Variants in COL26A1 observed in about 807,000 individuals in gnomAD.
COL26A1 encodes the protein collagen alpha-1(XXVI) chain.
COL26A1 carries 41 observed loss-of-function variants against 59.3 expected under a neutral mutation model. That is an observed-to-expected ratio of 0.69 (90% CI 0.54 to 0.90). The LOEUF is 0.90. Among genes scored for constraint, COL26A1 ranks in the 40% least tolerant of loss-of-function variants. The pLI, the probability that COL26A1 is intolerant of heterozygous loss-of-function variation, is 0.00. For synonymous variants in COL26A1, 266 were observed against 256.0 expected (o/e 1.04, Z -0.37); for missense variants, 612 against 602.3 (o/e 1.02, Z -0.17).
At chr7:101,548,974 G>A (rs1795802893) in intron 8 of COL26A1, among the ~76,000 whole-genome samples, 197 bp from the exon 9 acceptor site, 1 of 152,212 alleles carries the variant, frequency 6.6e-6, no homozygotes, top group Admixed American at 6.5e-5. Context: ...GGAGCTGTGG[G>A]CAGCCGGTGG....
At chr7:101,542,555 A>T (rs968753929) in intron 5 of COL26A1, among the ~76,000 whole-genome samples, 1 of 152,068 alleles carries the variant, frequency 6.6e-6, no homozygotes, top group African/African-American at 2.4e-5. Flanking sequence ...CTGCCCTTAG[A>T]GCCCTTTGGA....
chr7:101,489,866 CTT>C (rs1563008360), intron 3 of COL26A1, among the ~76,000 whole-genome samples: 24 of 52,460 alleles, frequency 4.6e-4, no homozygotes, highest in South Asian at 2.2e-3. Context: ...TTCTTTCTTT[CTT>C]TCTTTCTTTC....
intron 3 of COL26A1, among the ~76,000 whole-genome samples, chr7:101,481,827 G>A (rs1794163304): frequency 6.6e-6 from 1 of 151,990 alleles, no homozygotes; most frequent in Non-Finnish European, 1.5e-5. Context: ...ACACCATCCT[G>A]TTAAAGAGGT....
chr7:101,362,849 A>C, upstream of COL26A1: 1 of 587,446 alleles, frequency 1.7e-6, no homozygotes, highest in Non-Finnish European at 2.9e-6. Flanking sequence ...CCGAATTTGA[A>C]AAGGCGGCCC....
At chr7:101,550,206 A>G (rs1488839059) in intron 9 of COL26A1, among the ~76,000 whole-genome samples, 1 of 152,214 alleles carries the variant, frequency 6.6e-6, no homozygotes, top group East Asian at 1.9e-4. Flanking sequence ...GACGCCTGTA[A>G]TCCCAGCACT....
At chr7:101,387,647 T>C (rs1472591887) in intron 1 of COL26A1, among the ~76,000 whole-genome samples, 2 of 135,320 alleles carry the variant, frequency 1.5e-5, no homozygotes, top group East Asian at 2.1e-4. Context: ...CTCTCTCTCT[T>C]TATATATATA....
intron 3 of COL26A1, among the ~76,000 whole-genome samples, chr7:101,489,854 CTTTCTTTCTTTCTTTCTT>C (rs1794405837): frequency 3.0e-5 from 1 of 33,870 alleles, no homozygotes; most frequent in Non-Finnish European, 5.2e-5. Flanking sequence ...TTCTTTCTTT[CTTTCTTTCTTTCTTTCTT>C]TCTTTCTTTC....
intron 1 of COL26A1, among the ~76,000 whole-genome samples, chr7:101,402,297 T>C (rs1043898029): frequency 6.6e-6 from 1 of 152,114 alleles, no homozygotes; most frequent in Admixed American, 6.6e-5. Context: ...ATCAGGGATT[T>C]TCCCCCCCAA....
intron 1 of COL26A1, among the ~76,000 whole-genome samples, chr7:101,417,977 G>T (rs540426611): frequency 9.2e-5 from 14 of 152,044 alleles, no homozygotes; most frequent in African/African-American, 3.1e-4. Context: ...CGCCCACTTT[G>T]ACCTCCCAAA....
At chr7:101,539,836 C>T in intron 4 of COL26A1, 57 bp from the exon 5 acceptor site, 5 of 1,551,262 alleles carry the variant, frequency 3.2e-6, no homozygotes, top group Non-Finnish European at 4.4e-6. Context: ...GTGTGTCACG[C>T]ATGTCCCTAT....
chr7:101,387,772 A>T (rs71540928), intron 1 of COL26A1, among the ~76,000 whole-genome samples: 7,955 of 40,908 alleles, frequency 0.19, 566 homozygotes, highest in Non-Finnish European at 0.25. Context: ...ATATATATAT[A>T]TATATATTTT....
chr7:101,547,130 C>G, intron 7 of COL26A1, 26 bp from the exon 8 acceptor site: 1 of 1,544,622 alleles, frequency 6.5e-7, no homozygotes, highest in Non-Finnish European at 8.8e-7. Context: ...CCCACCAGAC[C>G]CCTGGCCGCT....
intron 1 of COL26A1, among the ~76,000 whole-genome samples, chr7:101,403,970 T>C (rs1411649367): frequency 6.6e-6 from 1 of 152,120 alleles, no homozygotes; most frequent in Non-Finnish European, 1.5e-5. Context: ...GGTGGGCACC[T>C]GTAGTCCCAG....
rs563705785 is a variant in COL26A1, at chr7:101,460,614, C to G, written c.385+12827C>G. ...TGGCCAACATGGTGAAAAATTGTCTCTACTAAAAATACAAAAATTAGCTGG... is the reference window on the plus strand; with the variant it reads ...TGGCCAACATGGTGAAAAATTGTCTGTACTAAAAATACAAAAATTAGCTGG... On this transcript the variant is annotated intron_variant, in intron 3 of 12. Transcript: ENST00000313669. Among the ~76,000 whole-genome samples, 250 of 152,076 alleles carry G rather than the reference C, an allele frequency of 1.6e-3. 1 individual carries two copies. The highest frequency in any genetic ancestry group is 5.9e-3 in the African/African-American group (246 of 41,496).
chr7:101,368,673 G>A (rs1791106637), intron 1 of COL26A1, among the ~76,000 whole-genome samples: 1 of 152,174 alleles, frequency 6.6e-6, no homozygotes, highest in Admixed American at 6.5e-5. Context: ...CTGGCAAATG[G>A]TAACTGACAT....
At chr7:101,457,810 A>G (rs1434824673) in intron 3 of COL26A1, among the ~76,000 whole-genome samples, 1 of 151,204 alleles carries the variant, frequency 6.6e-6, no homozygotes, top group Non-Finnish European at 1.5e-5. Context: ...TTACATATAC[A>G]TGTGTAGTTT....
chr7:101,541,055 G>A (rs535031966), intron 5 of COL26A1, among the ~76,000 whole-genome samples: 1 of 152,318 alleles, frequency 6.6e-6, no homozygotes, highest in Non-Finnish European at 1.5e-5. Flanking sequence ...CAGCTACTGG[G>A]TTGCCACTGT....
chr7:101,437,491 G>A (rs1792944913), intron 2 of COL26A1, among the ~76,000 whole-genome samples: 1 of 152,056 alleles, frequency 6.6e-6, no homozygotes, highest in Non-Finnish European at 1.5e-5. Context: ...GGTGGCCAAG[G>A]AGAGGAGGAG....
chr7:101,373,443 G>A (rs2117011588), intron 1 of COL26A1, among the ~76,000 whole-genome samples: 1 of 152,344 alleles, frequency 6.6e-6, no homozygotes, highest in South Asian at 2.1e-4. Flanking sequence ...CCTGCATGGA[G>A]TTTTCAACCC....
Sources: gnomAD v4.1 joint callset for allele counts (sites outside exome capture counted in the v4.1 genomes callset) on GRCh38, gnomAD v4.1.1 for gene constraint, MANE v1.5 for transcripts, NCBI Gene and HGNC (gene_info 2026-07-23, HGNC 2026-07-21) for gene names.